SIPA1L1: variants seen among roughly 807,000 people sequenced by gnomAD.
The protein encoded by SIPA1L1 is signal-induced proliferation-associated 1-like protein 1.
Under a neutral mutation model 162.7 loss-of-function variants are expected in SIPA1L1, and 26 were observed. The ratio of observed to expected loss-of-function variants is 0.16; its 90% CI spans 0.12 to 0.22. SIPA1L1 has a LOEUF of 0.22. SIPA1L1 is among the 10% of genes least tolerant of loss of function. The probability of loss-of-function intolerance (pLI) is 1.00; values close to 1 mark genes in which losing one functional copy is unlikely to be tolerated. For missense variants in SIPA1L1, 1,874 were observed against 2,241.0 expected (o/e 0.84, Z 3.31); for synonymous variants, 829 against 837.4 (o/e 0.99, Z 0.17).
intron 5 of SIPA1L1, among the ~76,000 whole-genome samples, chr14:71,618,135 C>T (rs959711596): frequency 2.0e-5 from 3 of 152,210 alleles, no homozygotes; most frequent in African/African-American, 7.2e-5. Flanking sequence ...GTCACCTGGA[C>T]ACACAAGTTA....
chr14:71,377,273 A>G lies in SIPA1L1; in HGVS notation c.-465+56092A>G, dbSNP rs528377626. Among the ~76,000 whole-genome samples the G allele has an allele frequency of 2.5e-3, 365 of 148,506 alleles. 1 individual carries two copies. Among genetic ancestry groups the G allele is most frequent in the Admixed American group, 5.3e-3 (79 of 15,004 alleles). ...ACCTCCCAGACGGGGCGGCGGCCGG[A>G]CGGGGGCGTTCTCCACTTCTCAGAC... On this transcript the variant is annotated intron_variant, in intron 2 of 23. Transcript: ENST00000381232. The surrounding 1 kb of genome is among the most constrained non-coding windows in gnomAD (Gnocchi z 4.8).
At chr14:71,524,785 C>T (rs970420225) in intron 3 of SIPA1L1, among the ~76,000 whole-genome samples, 2 of 152,126 alleles carry the variant, frequency 1.3e-5, no homozygotes, top group African/African-American at 4.8e-5. Context: ...ACGTCACACT[C>T]TGGTTGTCTC....
chr14:71,631,836 A>G (rs1453390389), intron 7 of SIPA1L1, among the ~76,000 whole-genome samples: 1 of 152,172 alleles, frequency 6.6e-6, no homozygotes, highest in Non-Finnish European at 1.5e-5. Flanking sequence ...CTCAATACGG[A>G]ATTTTTCCAG....
intron 2 of SIPA1L1, among the ~76,000 whole-genome samples, chr14:71,378,127 T>C (rs2039582780): frequency 6.6e-6 from 1 of 152,084 alleles, no homozygotes; most frequent in African/African-American, 2.4e-5. Context: ...TTGATCACTC[T>C]AACTAAAAGT....
intron 4 of SIPA1L1, among the ~76,000 whole-genome samples, chr14:71,566,454 A>G (rs1235944951): frequency 6.6e-6 from 1 of 152,212 alleles, no homozygotes; most frequent in African/African-American, 2.4e-5. Context: ...GAGGAAGTAG[A>G]ATTAATGGGG....
chr14:71,707,077 C>T (rs2149941697), intron 16 of SIPA1L1, among the ~76,000 whole-genome samples: 1 of 151,744 alleles, frequency 6.6e-6, no homozygotes, highest in East Asian at 1.9e-4. Flanking sequence ...ACTCCTGCCC[C>T]TCCCCTTAGC....
At chr14:71,635,006 G>T (rs1037644293) in intron 7 of SIPA1L1, among the ~76,000 whole-genome samples, 1 of 151,938 alleles carries the variant, frequency 6.6e-6, no homozygotes, top group Admixed American at 6.6e-5. Flanking sequence ...GGGAGGGCAC[G>T]GTGGCTCACA....
chr14:71,506,327 G>T (rs1373361002), intron 2 of SIPA1L1, among the ~76,000 whole-genome samples: 3 of 151,926 alleles, frequency 2.0e-5, no homozygotes, highest in Non-Finnish European at 4.4e-5. Context: ...TTAATTACTT[G>T]TCCAAGCAAA....
intron 2 of SIPA1L1, among the ~76,000 whole-genome samples, chr14:71,371,364 CA>C (rs2038875212): frequency 6.6e-6 from 1 of 152,066 alleles, no homozygotes; most frequent in Non-Finnish European, 1.5e-5. Flanking sequence ...ATGAAAGTAA[CA>C]GAAGGCAGCC....
chr14:71,707,135 GCACA>G, intron 16 of SIPA1L1, among the ~76,000 whole-genome samples: 1 of 149,170 alleles, frequency 6.7e-6, no homozygotes, highest in East Asian at 2.0e-4. Flanking sequence ...ACACACGCAC[GCACA>G]CACACACGCA....
rs920844837 is a variant in SIPA1L1 at position 71,575,984 on chromosome 14, G to A, written c.-302-11587G>A. Among the ~76,000 whole-genome samples, 34 of 152,194 alleles carry A rather than the reference G, an allele frequency of 2.2e-4. 1 individual carries two copies. Among genetic ancestry groups the A allele is most frequent in the East Asian group, 1.9e-4 (1 of 5,206 alleles). On this transcript the variant is annotated intron_variant, in intron 4 of 23. Transcript: ENST00000381232. The stretch of plus-strand genomic sequence containing the variant: ...GTGAAATAACCATGATTACGTTTTA[G>A]ATTACAATAGAAGTTCTGATAATTT...
chr14:71,353,850 A>G (rs2036956646), intron 2 of SIPA1L1, among the ~76,000 whole-genome samples: 1 of 152,020 alleles, frequency 6.6e-6, no homozygotes, highest in Non-Finnish European at 1.5e-5. Context: ...GGGAAGTTGG[A>G]GACGGGCAGA....
At chr14:71,724,465 G>A (rs1364246737) in intron 18 of SIPA1L1, among the ~76,000 whole-genome samples, 1 of 152,208 alleles carries the variant, frequency 6.6e-6, no homozygotes, top group Non-Finnish European at 1.5e-5. Context: ...TTATTCATCA[G>A]ATTTTATTTT....
intron 17 of SIPA1L1, among the ~76,000 whole-genome samples, chr14:71,711,175 A>G (rs1474692113): frequency 6.6e-6 from 1 of 152,246 alleles, no homozygotes; most frequent in East Asian, 1.9e-4. Context: ...AAATTGGGAA[A>G]GTAGTCTCAG....
chr14:71,338,695 A>G (rs1020502619), intron 2 of SIPA1L1, among the ~76,000 whole-genome samples: 15 of 152,108 alleles, frequency 9.9e-5, no homozygotes, highest in Admixed American at 7.2e-4. Context: ...CTGAGATCCT[A>G]TGAGGCTCAT....
At position 71,588,635 on chromosome 14, in the gene SIPA1L1, T is replaced by G. The variant is rs1286710540; in HGVS notation, c.763T>G (p.Ser255Ala). ...TCTCATTACTGGTGGTGGCAAGGGT[T>G]CTGGTTTCTCTTTGGATGTAATAGA... Reference protein sequence around the residue: ...DFLITGGGKGSGFSLDVIDGP... With the variant: ...DFLITGGGKGAGFSLDVIDGP... Residue 255 changes from serine (S) to alanine (A), a missense_variant, in exon 5 of 24, where the codon TCT becomes GCT. This residue lies in a region of SIPA1L1 where 685 missense variants were observed against 828.0 expected (regional missense o/e 0.83). Coordinates refer to ENST00000381232, the MANE Select transcript of SIPA1L1 (RefSeq NM_001386936.1). The surrounding 1 kb of genome is among the most constrained non-coding windows in gnomAD (Gnocchi z 4.3). 2 of 1,613,990 alleles carry G rather than the reference T, an allele frequency of 1.2e-6. No homozygotes were observed. The highest frequency in any genetic ancestry group is 4.5e-5 in the East Asian group (2 of 44,870).
intron 12 of SIPA1L1, among the ~76,000 whole-genome samples, chr14:71,674,918 A>C (rs1175326183): frequency 6.6e-6 from 1 of 152,192 alleles, no homozygotes; most frequent in Admixed American, 6.5e-5. Flanking sequence ...TGCTAAGCTC[A>C]TCTGACAAAT....
chr14:71,432,495 C>G (rs1332574374), intron 2 of SIPA1L1, among the ~76,000 whole-genome samples: 2 of 152,128 alleles, frequency 1.3e-5, no homozygotes, highest in Admixed American at 6.5e-5. Context: ...CAGATAATTT[C>G]TTTATGGCCA....
chr14:71,364,890 C>T (rs1322845980), intron 2 of SIPA1L1, among the ~76,000 whole-genome samples: 2 of 151,728 alleles, frequency 1.3e-5, no homozygotes, highest in Admixed American at 6.6e-5. Flanking sequence ...GGACTACAGG[C>T]GCATGCCACC....
Sources: allele counts gnomAD v4.1 joint callset (sites outside exome capture counted in the v4.1 genomes callset), GRCh38; gene constraint gnomAD v4.1.1; regional missense constraint gnomAD v4.1.1; non-coding constraint Gnocchi (gnomAD v3.1); transcripts MANE v1.5; gene names NCBI Gene and HGNC (gene_info 2026-07-23, HGNC 2026-07-21).